DNAH9: variants seen among roughly 807,000 people sequenced by gnomAD.
The protein encoded by DNAH9 is DNAH9 variant protein.
A neutral mutation model predicts 471.6 loss-of-function variants in DNAH9; 345 were observed. The ratio of observed to expected loss-of-function variants is 0.73; its 90% confidence interval spans 0.67 to 0.80. The LOEUF is 0.80. DNAH9 is among the 30% of genes least tolerant of loss of function. The pLI, the probability that DNAH9 is intolerant of heterozygous loss-of-function variation, is 0.00. For synonymous variants in DNAH9, 2,093 were observed against 2,123.6 expected (o/e 0.99, Z 0.40); for missense variants, 5,407 against 5,609.2 (o/e 0.96, Z 1.15).
intron 60 of DNAH9, among the ~76,000 whole-genome samples, chr17:11,904,858 A>G (rs897746199): frequency 4.6e-5 from 7 of 152,116 alleles, no homozygotes; most frequent in Admixed American, 4.6e-4. Flanking sequence ...AGCTATGAAG[A>G]TTTGTTCAGC....
chr17:11,745,169 G>A (rs1272153744), intron 31 of DNAH9, 85 bp downstream of exon 31: 1 of 1,217,272 alleles, frequency 8.2e-7, no homozygotes, highest in Non-Finnish European at 1.2e-6. Context: ...ATAATCCAAA[G>A]GGTTGTTTTA....
intron 6 of DNAH9, among the ~76,000 whole-genome samples, chr17:11,625,318 G>C (rs990570345): frequency 2.6e-5 from 4 of 152,138 alleles, no homozygotes; most frequent in African/African-American, 9.7e-5. Flanking sequence ...GTAATAAGCT[G>C]ACCTAATATC....
chr17:11,768,686 C>A, intron 37 of DNAH9, 60 bp downstream of exon 37: 1 of 1,573,332 alleles, frequency 6.4e-7, no homozygotes. Context: ...TCTGCAGTGG[C>A]TCCAGTAGCA....
chr17:11,638,773 T>C (rs767462677), intron 9 of DNAH9, among the ~76,000 whole-genome samples: 23 of 152,110 alleles, frequency 1.5e-4, no homozygotes, highest in Admixed American at 4.6e-4. Context: ...AATCAAGGTG[T>C]TGGTCAGCCT....
chr17:11,802,069 A>G (rs1264289244), intron 43 of DNAH9, among the ~76,000 whole-genome samples: 1 of 152,178 alleles, frequency 6.6e-6, no homozygotes, highest in African/African-American at 2.4e-5. Context: ...ATTTAGTTGT[A>G]TAATTTCCCA....
At chr17:11,865,787 T>C (rs1201171592) in intron 50 of DNAH9, among the ~76,000 whole-genome samples, 1 of 152,236 alleles carries the variant, frequency 6.6e-6, no homozygotes, top group Non-Finnish European at 1.5e-5. Context: ...CCATCACTGA[T>C]ACCCTTTCTT....
intron 6 of DNAH9, among the ~76,000 whole-genome samples, chr17:11,620,331 G>A (rs2072830969): frequency 1.3e-5 from 2 of 151,360 alleles, no homozygotes; most frequent in African/African-American, 4.9e-5. Context: ...TGGTCAACAT[G>A]GCGAAATCCT....
At chr17:11,694,523 C>T in intron 22 of DNAH9, 76 bp downstream of exon 22, 3 of 1,512,330 alleles carry the variant, frequency 2.0e-6, no homozygotes, top group Admixed American at 3.4e-5. Flanking sequence ...TCTGGCTCCC[C>T]ATCATGCCTC....
At chr17:11,670,716 T>C (rs909602488) in intron 17 of DNAH9, among the ~76,000 whole-genome samples, 1 of 152,062 alleles carries the variant, frequency 6.6e-6, no homozygotes, top group African/African-American at 2.4e-5. Context: ...ATTTTTTTTT[T>C]TTTTGAGATG....
intron 67 of DNAH9, among the ~76,000 whole-genome samples, chr17:11,961,337 T>G (rs563751821): frequency 6.6e-6 from 1 of 152,080 alleles, no homozygotes; most frequent in South Asian, 2.1e-4. Flanking sequence ...AAAATAAAGA[T>G]GGTGTTCAGT....
chr17:11,783,955 A>T (rs1302779143), intron 40 of DNAH9, among the ~76,000 whole-genome samples: 1 of 152,104 alleles, frequency 6.6e-6, no homozygotes, highest in African/African-American at 2.4e-5. Context: ...ATTTCATCTG[A>T]TTTGATCCCT....
chr17:11,909,927 C>G (rs1973737410), intron 61 of DNAH9, among the ~76,000 whole-genome samples: 1 of 152,186 alleles, frequency 6.6e-6, no homozygotes, highest in Non-Finnish European at 1.5e-5. Flanking sequence ...CTTCCCAGGC[C>G]TAGTCAGCCA....
chr17:11,748,153 A>C (rs1395096079), intron 32 of DNAH9, among the ~76,000 whole-genome samples: 1 of 47,366 alleles, frequency 2.1e-5, no homozygotes, highest in African/African-American at 5.2e-5. Flanking sequence ...AAATACAAAA[A>C]AAAAAAAAAA....
Position 11,704,205 on chromosome 17 carries a change from G to T in DNAH9, c.5154G>T (p.Val1718=). ...CTAGGCAACTCTTGCTGCCACAGGT[G>T]GCCCTGACCTGTACTCAGATCTGGT... ...EQWLFDHPAQ[V]ALTCTQIWWT... Residue 1718 remains valine, a splice_region_variant and synonymous_variant, in exon 25 of 69, where the codon GTG becomes GTT. Coordinates refer to ENST00000262442, the MANE Select transcript of DNAH9 (RefSeq NM_001372.4). The T allele has an allele frequency of 6.2e-7, 1 of 1,614,058 alleles. No individual in the cohort carries two copies. Among genetic ancestry groups the T allele is most frequent in the Non-Finnish European group, 8.5e-7 (1 of 1,179,986 alleles).
At chr17:11,910,331 T>C (rs1293762918) in intron 61 of DNAH9, among the ~76,000 whole-genome samples, 1 of 152,206 alleles carries the variant, frequency 6.6e-6, no homozygotes, top group Non-Finnish European at 1.5e-5. Context: ...GTGATGAGCT[T>C]CTTTCATTTG....
At position 11,608,022 on chromosome 17, in the gene DNAH9, C is replaced by A. The variant is rs1045552539; in HGVS notation, c.418-107C>A. ...ATTATTAGGCCTTCCAGCACAGTGACCTGCAAAAGGTTGTATATAGCTTTA... is the reference window on the plus strand; with the variant it reads ...ATTATTAGGCCTTCCAGCACAGTGAACTGCAAAAGGTTGTATATAGCTTTA... On this transcript the variant is annotated intron_variant, in intron 1 of 68. Transcript: ENST00000262442. 3 of 787,530 alleles carry A rather than the reference C, an allele frequency of 3.8e-6. No homozygotes were observed. The African/African-American group carries it at 5.2e-5, about 14-fold the overall frequency. 48.8% of individuals were successfully genotyped at this position (787,530 alleles called of 1,614,324 possible). A position where few individuals can be genotyped will look rare whatever the true frequency, so the allele number is the denominator to read the frequency against.
intron 45 of DNAH9, among the ~76,000 whole-genome samples, chr17:11,813,818 T>C (rs951300071): frequency 5.3e-5 from 8 of 152,228 alleles, no homozygotes; most frequent in Non-Finnish European, 8.8e-5. Context: ...CCCATCTTTA[T>C]GCCAGTTGTA....
chr17:11,946,041 A>C (rs1005138132), intron 67 of DNAH9, among the ~76,000 whole-genome samples: 1 of 151,916 alleles, frequency 6.6e-6, no homozygotes, highest in Admixed American at 6.6e-5. Flanking sequence ...TCTACTAAAA[A>C]ATACAAAAAT....
chr17:11,963,391 A>G (rs1053736210), intron 68 of DNAH9, among the ~76,000 whole-genome samples: 3 of 151,702 alleles, frequency 2.0e-5, no homozygotes, highest in African/African-American at 7.3e-5. Context: ...CCGAGATCGC[A>G]CCATTGCATT....
Sources: gnomAD v4.1 joint callset for allele counts (sites outside exome capture counted in the v4.1 genomes callset) on GRCh38, gnomAD v4.1.1 for gene constraint, MANE v1.5 for transcripts, NCBI Gene and HGNC (gene_info 2026-07-23, HGNC 2026-07-21) for gene names.